LAP3: variants seen among roughly 807,000 people sequenced by gnomAD.
LAP3 encodes leucine aminopeptidase 3, also known as cytosol aminopeptidase.
Under a neutral mutation model 58.8 loss-of-function variants are expected in LAP3, and 46 were observed. That is an observed-to-expected ratio of 0.78 (90% CI 0.62 to 1.00). LAP3 has a LOEUF of 1.00. Among genes scored for constraint, LAP3 ranks in the 50% least tolerant of loss-of-function variants. LAP3 has a pLI of 0.00. For missense variants in LAP3, 615 were observed against 659.1 expected (o/e 0.93, Z 0.73); for synonymous variants, 257 against 237.7 (o/e 1.08, Z -0.75).
At chr4:17,601,095 C>T (rs879262744) in intron 10 of LAP3, among the ~76,000 whole-genome samples, 1 of 152,148 alleles carries the variant, frequency 6.6e-6, no homozygotes, top group Non-Finnish European at 1.5e-5. Flanking sequence ...TTTCTTAATG[C>T]TTGGGCATAA....
intron 10 of LAP3, among the ~76,000 whole-genome samples, chr4:17,603,646 G>C (rs146547069): frequency 0.012 from 1,782 of 151,752 alleles, 35 homozygotes; most frequent in African/African-American, 0.041. Context: ...CTCCTGAGTA[G>C]CTGGGATTAC....
rs141862194 is a variant in LAP3 at position 17,597,600 on chromosome 4, A to G, written c.1077+466A>G. 1.7e-3 allele frequency among the ~76,000 whole-genome samples: 257 copies of G among 152,312 alleles called. 1 individual carries two copies. The highest frequency in any genetic ancestry group is 5.6e-3 in the African/African-American group (232 of 41,560). On this transcript the variant is annotated intron_variant, in intron 9 of 12. Transcript: ENST00000226299. ...TAGCTTTTCTTGCAAAGGCAGAAGT[A>G]TCTTTTTTGGGGGATTTTGAAGAAT...
At position 17,604,656 on chromosome 4, in the gene LAP3, A is replaced by G. The variant is rs1285520050; in HGVS notation, c.1249A>G (p.Lys417Glu). Residue 417 changes from lysine (K) to glutamate (E), a missense_variant, in exon 11 of 13, where the codon AAA becomes GAA. Physicochemically the swap from Lys to Glu is moderately conservative, Grantham distance 56. Transcript: ENST00000226299. ...TACCAATTCATCCTGGCTCTGGAACAAACTCTTCGAGGTAGGAATAATATT... is the reference window on the plus strand; with the variant it reads ...TACCAATTCATCCTGGCTCTGGAACGAACTCTTCGAGGTAGGAATAATATT... ...VFTNSSWLWN[K>E]LFEASIETGD... 6.2e-7 allele frequency: 1 copy of G among 1,610,172 alleles called. No homozygotes were observed. Among genetic ancestry groups the G allele is most frequent in the South Asian group, 1.1e-5 (1 of 90,994 alleles).
chr4:17,594,791 A>G (rs576542235), intron 7 of LAP3, among the ~76,000 whole-genome samples: 27 of 152,142 alleles, frequency 1.8e-4, no homozygotes, highest in Non-Finnish European at 3.4e-4. Context: ...TTTCAGAGAA[A>G]TGCCTCCAGT....
At chr4:17,594,538 T>C (rs1313709750) in intron 7 of LAP3, among the ~76,000 whole-genome samples, 2 of 152,240 alleles carry the variant, frequency 1.3e-5, no homozygotes, top group Non-Finnish European at 2.9e-5. Flanking sequence ...GTGCTTGGCC[T>C]GTGAAGCATG....
In LAP3 at chr4:17,593,609, G is replaced by GTTTTTTTTTTTTTTTTTTT. The variant is rs55676326; in HGVS notation, c.864-1799_864-1781dup. 3.4e-5 allele frequency among the ~76,000 whole-genome samples: 3 copies of GTTTTTTTTTTTTTTTTTTT among 87,608 alleles called. 1 individual carries two copies. Among genetic ancestry groups the GTTTTTTTTTTTTTTTTTTT allele is most frequent in the African/African-American group, 9.3e-5 (2 of 21,400 alleles). The allele number at this position is 87,608 out of a possible 152,430, so 57.5% of individuals were successfully genotyped here. A position where few individuals can be genotyped will look rare whatever the true frequency, so the allele number is the denominator to read the frequency against. On this transcript the variant is annotated intron_variant, in intron 7 of 12. Transcript: ENST00000226299. ...CATATACATTTTAGAATCTGCTTGG[G>GTTTTTTTTTTTTTTTTTTT]TTTTTTTTTTTTTTTTTTTTGAGAC...
chr4:17,603,292 A>T (rs1225997106), intron 10 of LAP3, among the ~76,000 whole-genome samples: 1 of 151,922 alleles, frequency 6.6e-6, no homozygotes, highest in Non-Finnish European at 1.5e-5. Context: ...TGGGCAACAG[A>T]GCAAGACTCT....
At chr4:17,606,459 C>T (rs1302912515) in intron 11 of LAP3, among the ~76,000 whole-genome samples, 1 of 152,188 alleles carries the variant, frequency 6.6e-6, no homozygotes, top group Non-Finnish European at 1.5e-5. Context: ...CTGCCTCAGC[C>T]TCCGGAGTAG....
chr4:17,577,198 G>GCACACGAATGCGGGCA lies in LAP3; in HGVS notation c.-253_-252insACACACGAATGCGGGC. The GCACACGAATGCGGGCA allele has an allele frequency of 7.1e-6, 2 of 279,964 alleles. No homozygotes were observed. The highest frequency in any genetic ancestry group is 1.2e-5 in the Non-Finnish European group (2 of 166,478). The allele number at this position is 279,964 out of a possible 1,614,324, so 17.3% of individuals were successfully genotyped here. A position where few individuals can be genotyped will look rare whatever the true frequency, so the allele number is the denominator to read the frequency against. ...TTCGCCCCCGCCCGCATGCGCGGGCGCACACGAATGCGGGCGCACACGAAT... is the reference window on the plus strand; with the variant it reads ...TTCGCCCCCGCCCGCATGCGCGGGCGCACACGAATGCGGGCACACACGAATGCGGGCGCACACGAAT... On this transcript the variant is annotated 5_prime_UTR_variant, in exon 1 of 13. It adds an upstream start codon to the 5' untranslated region. Coordinates refer to ENST00000226299, the MANE Select transcript of LAP3 (RefSeq NM_015907.3).
At chr4:17,586,948 G>A (rs946868247) in intron 6 of LAP3, among the ~76,000 whole-genome samples, 3 of 152,228 alleles carry the variant, frequency 2.0e-5, no homozygotes, top group South Asian at 2.1e-4. Context: ...TCTACTAAAA[G>A]TACAAAACTT....
At chr4:17,583,971 T>C (rs193204645) in intron 5 of LAP3, among the ~76,000 whole-genome samples, 44 of 152,368 alleles carry the variant, frequency 2.9e-4, no homozygotes, top group Non-Finnish European at 5.1e-4. Context: ...TGTTCATTCA[T>C]TTACCTGGCA....
chr4:17,579,968 T>G (rs1577217825), intron 2 of LAP3, 29 bp downstream of exon 2: 2 of 1,236,330 alleles, frequency 1.6e-6, no homozygotes, highest in Non-Finnish European at 2.3e-6. Flanking sequence ...CTCTAGTTCT[T>G]AAAGTGCCCC....
intron 7 of LAP3, 137 bp downstream of exon 7, chr4:17,589,114 G>A: frequency 4.8e-6 from 4 of 827,442 alleles, no homozygotes; most frequent in Non-Finnish European, 7.5e-6. Flanking sequence ...AGGCTAGAGT[G>A]CAGTGGCGTG....
intron 11 of LAP3, among the ~76,000 whole-genome samples, 187 bp from the exon 12 acceptor site, chr4:17,606,642 G>A (rs1714150165): frequency 6.6e-6 from 1 of 152,258 alleles, no homozygotes; most frequent in East Asian, 1.9e-4. Context: ...CCAGCCTCCT[G>A]GTTTCTTTTA....
At chr4:17,583,158 G>A (rs899714605) in intron 4 of LAP3, among the ~76,000 whole-genome samples, 1 of 152,168 alleles carries the variant, frequency 6.6e-6, no homozygotes, top group Non-Finnish European at 1.5e-5. Flanking sequence ...TGGCAATTGG[G>A]AAGCTTCATC....
At chr4:17,598,331 A>T in intron 9 of LAP3, 125 bp from the exon 10 acceptor site, 2 of 726,616 alleles carry the variant, frequency 2.8e-6, no homozygotes, top group African/African-American at 1.7e-5. Flanking sequence ...TGAAGTATGA[A>T]TGGTTTGATA....
intron 8 of LAP3, among the ~76,000 whole-genome samples, chr4:17,596,015 G>T (rs1467560279): frequency 6.6e-6 from 1 of 152,058 alleles, no homozygotes; most frequent in African/African-American, 2.4e-5. Context: ...TAATAGCATT[G>T]CTCATACTCA....
At chr4:17,605,288 G>T (rs1714097465) in intron 11 of LAP3, among the ~76,000 whole-genome samples, 1 of 152,198 alleles carries the variant, frequency 6.6e-6, no homozygotes, top group Non-Finnish European at 1.5e-5. Context: ...GCTGCCTCCT[G>T]TGATTCTCCT....
intron 3 of LAP3, 107 bp from the exon 4 acceptor site, chr4:17,582,181 T>C (rs1713381067): frequency 1.1e-6 from 1 of 886,852 alleles, no homozygotes; most frequent in African/African-American, 1.7e-5. Flanking sequence ...TTGCTGCAGT[T>C]AAAGTAATTG....
Sources: allele counts gnomAD v4.1 joint callset (sites outside exome capture counted in the v4.1 genomes callset), GRCh38; gene constraint gnomAD v4.1.1; transcripts MANE v1.5; gene names NCBI Gene and HGNC (gene_info 2026-07-23, HGNC 2026-07-21).